SLC24A3: variants seen among roughly 807,000 people sequenced by gnomAD.
The protein encoded by SLC24A3 is sodium/potassium/calcium exchanger 3.
A neutral mutation model predicts 75.8 loss-of-function variants in SLC24A3; 28 were observed. The ratio of observed to expected loss-of-function variants is 0.37; its 90% CI spans 0.27 to 0.51. SLC24A3 has a LOEUF of 0.51. Among genes scored for constraint, SLC24A3 ranks in the 20% least tolerant of loss-of-function variants. The pLI, the probability that SLC24A3 is intolerant of heterozygous loss-of-function variation, is 0.94. For synonymous variants in SLC24A3, 372 were observed against 334.1 expected, an observed-to-expected ratio of 1.11 and a Z score of -1.24; for missense variants, 663 against 847.8, an observed-to-expected ratio of 0.78 and a Z score of 2.71.
intron 7 of SLC24A3, among the ~76,000 whole-genome samples, chr20:19,663,302 C>T (rs912359978): frequency 1.3e-5 from 2 of 150,550 alleles, no homozygotes; most frequent in Admixed American, 6.6e-5. Context: ...TCTGAGTCCT[C>T]TCATTCCTCC....
intron 9 of SLC24A3, among the ~76,000 whole-genome samples, chr20:19,679,396 C>T (rs1050771830): frequency 2.0e-5 from 3 of 152,328 alleles, no homozygotes; most frequent in East Asian, 1.9e-4. Context: ...GCAGGCACTC[C>T]GCAGGCTGAG....
chr20:19,586,397 C>T (rs1052352872), intron 6 of SLC24A3, among the ~76,000 whole-genome samples: 1 of 152,210 alleles, frequency 6.6e-6, no homozygotes, highest in Admixed American at 6.5e-5. Flanking sequence ...ATGGAGGCTA[C>T]TCCACTTACA....
intron 2 of SLC24A3, among the ~76,000 whole-genome samples, chr20:19,508,002 G>A (rs1210100811): frequency 2.0e-5 from 3 of 152,156 alleles, no homozygotes; most frequent in African/African-American, 4.8e-5. Context: ...CTGAGTCCAC[G>A]GTACACATGG....
intron 13 of SLC24A3, 48 bp downstream of exon 13, chr20:19,693,473 T>G (rs1568700585): frequency 1.3e-6 from 2 of 1,598,602 alleles, no homozygotes; most frequent in Non-Finnish European, 1.7e-6. Flanking sequence ...CTTTAGAGAA[T>G]AAAGAAGGGA....
chr20:19,422,783 A>G (rs955973460), intron 2 of SLC24A3, among the ~76,000 whole-genome samples: 1 of 152,220 alleles, frequency 6.6e-6, no homozygotes, highest in Non-Finnish European at 1.5e-5. Flanking sequence ...TTATTTTAGC[A>G]ATCAGGAAGG....
intron 9 of SLC24A3, among the ~76,000 whole-genome samples, chr20:19,678,235 A>T (rs1242803713): frequency 1.3e-5 from 2 of 150,146 alleles, no homozygotes; most frequent in African/African-American, 4.9e-5. Context: ...CACCTCCCAG[A>T]CGGGGTGGTG....
chr20:19,703,205 C>T (rs1221287785), intron 15 of SLC24A3, among the ~76,000 whole-genome samples: 1 of 152,174 alleles, frequency 6.6e-6, no homozygotes, highest in Non-Finnish European at 1.5e-5. Flanking sequence ...AAGAGAAGAA[C>T]CCCAAATGCT....
intron 2 of SLC24A3, among the ~76,000 whole-genome samples, chr20:19,480,773 A>T (rs761473348): frequency 2.6e-5 from 4 of 152,050 alleles, no homozygotes; most frequent in Non-Finnish European, 5.9e-5. Context: ...TGGCCAGTGA[A>T]CTCAATCTAA....
chr20:19,463,737 GA>G (rs1231075510), intron 2 of SLC24A3, among the ~76,000 whole-genome samples: 2 of 152,200 alleles, frequency 1.3e-5, no homozygotes, highest in East Asian at 3.9e-4. Flanking sequence ...GGGAAAACCT[GA>G]CTTGCGGAGG....
At chr20:19,552,879 C>A (rs2030719156) in intron 3 of SLC24A3, among the ~76,000 whole-genome samples, 1 of 152,010 alleles carries the variant, frequency 6.6e-6, no homozygotes, top group Non-Finnish European at 1.5e-5. Context: ...CTTGCTTCAT[C>A]AGAGGAAAGG....
intron 6 of SLC24A3, among the ~76,000 whole-genome samples, chr20:19,627,736 G>T (rs1237003180): frequency 1.3e-5 from 2 of 152,192 alleles, no homozygotes; most frequent in African/African-American, 2.4e-5. Context: ...CCCTTGAGAA[G>T]AATGTTCTGT....
At chr20:19,526,799 T>C (rs1026366782) in intron 3 of SLC24A3, among the ~76,000 whole-genome samples, 3 of 152,214 alleles carry the variant, frequency 2.0e-5, no homozygotes, top group African/African-American at 7.2e-5. Context: ...TATCTTGATT[T>C]TTCTAAAAAA....
chr20:19,693,242 C>T lies in SLC24A3; in HGVS notation c.1325-17C>T. 1 of 1,589,576 alleles carries T rather than the reference C, an allele frequency of 6.3e-7. No individual in the cohort carries two copies. Among genetic ancestry groups the T allele is most frequent in the African/African-American group, 1.4e-5 (1 of 73,096 alleles). ...TATTTTTTTTTTATTTCTTTTTGGC[C>T]TTTTTCATTTTTCCAGCGGGTAAAC... On this transcript the variant is annotated splice_polypyrimidine_tract_variant and intron_variant, in intron 12 of 16. Transcript: ENST00000328041.
chr20:19,617,015 C>T (rs1342848733), intron 6 of SLC24A3, among the ~76,000 whole-genome samples: 1 of 152,064 alleles, frequency 6.6e-6, no homozygotes, highest in Non-Finnish European at 1.5e-5. Flanking sequence ...GCAGATGAAG[C>T]CCCTCCCCTC....
At chr20:19,474,006 T>C (rs971278270) in intron 2 of SLC24A3, among the ~76,000 whole-genome samples, 1 of 152,246 alleles carries the variant, frequency 6.6e-6, no homozygotes, top group Admixed American at 6.5e-5. Flanking sequence ...TCCAGAACAG[T>C]GAAAGTCACT....
At chr20:19,323,383 C>T (rs1420738031) in intron 2 of SLC24A3, among the ~76,000 whole-genome samples, 2 of 152,056 alleles carry the variant, frequency 1.3e-5, no homozygotes, top group Non-Finnish European at 2.9e-5. Context: ...TTTGGATGAC[C>T]CAGCCTGAAA....
intron 1 of SLC24A3, among the ~76,000 whole-genome samples, chr20:19,231,219 G>A (rs1234560658): frequency 6.6e-6 from 1 of 152,182 alleles, no homozygotes; most frequent in Non-Finnish European, 1.5e-5. Flanking sequence ...GACATTTCTG[G>A]ATATTTCTGC....
intron 3 of SLC24A3, among the ~76,000 whole-genome samples, chr20:19,577,136 G>C (rs1456689286): frequency 1.3e-5 from 2 of 151,546 alleles, no homozygotes; most frequent in Non-Finnish European, 2.9e-5. Context: ...CTCATGGCAA[G>C]CTCCCCCTCC....
At chr20:19,382,866 A>C (rs1986205818) in intron 2 of SLC24A3, among the ~76,000 whole-genome samples, 1 of 152,098 alleles carries the variant, frequency 6.6e-6, no homozygotes, top group Admixed American at 6.6e-5. Flanking sequence ...ATATTCACTC[A>C]AGTCTGGCCG....
Sources: gnomAD v4.1 joint callset for allele counts (sites outside exome capture counted in the v4.1 genomes callset) on GRCh38, gnomAD v4.1.1 for gene constraint, MANE v1.5 for transcripts, NCBI Gene and HGNC (gene_info 2026-07-23, HGNC 2026-07-21) for gene names.